The following MORN2 variants were observed in gnomAD, a reference collection of about 807,000 sequenced individuals.
MORN2 encodes MORN repeat-containing protein 2.
Under a neutral mutation model 13.4 loss-of-function variants are expected in MORN2, and 15 were observed. That is an observed-to-expected ratio of 1.12 (90% CI 0.75 to 1.72). The LOEUF (loss-of-function observed/expected upper bound fraction) is 1.72. Among genes scored for constraint, MORN2 ranks in the 40% most tolerant of loss-of-function variants. MORN2 has a pLI of 0.00. For missense variants in MORN2, 168 were observed against 134.6 expected (o/e 1.25, Z -1.23); for synonymous variants, 46 against 43.6 (o/e 1.06, Z -0.22).
rs1665804801 is a variant in MORN2, at chr2:38,882,675, C to G, written c.*160C>G. On this transcript the variant is annotated 3_prime_UTR_variant, in exon 5 of 5. Coordinates refer to ENST00000644631, the MANE Select transcript of MORN2 (RefSeq NM_001145450.3). Reference sequence around the variant, plus strand: ...CCTTTTTGAACTTTATATTCATTGTCTTACAATTAGTTTAAAATAAATGAC... The same window carrying G: ...CCTTTTTGAACTTTATATTCATTGTGTTACAATTAGTTTAAAATAAATGAC... The G allele has an allele frequency of 4.4e-6, 2 of 458,212 alleles. No individual in the cohort carries two copies. The highest frequency in any genetic ancestry group is 3.6e-5 in the Admixed American group (1 of 27,976). 28.4% of individuals were successfully genotyped at this position (458,212 alleles called of 1,614,324 possible).
chr2:38,882,581 ATC>A lies in MORN2; in HGVS notation c.*68_*69del. The A allele has an allele frequency of 8.2e-7, 1 of 1,218,498 alleles. No homozygotes were observed. Among genetic ancestry groups the A allele is most frequent in the Non-Finnish European group, 1.2e-6 (1 of 853,318 alleles). The allele number at this position is 1,218,498 out of a possible 1,614,324, so 75.5% of individuals were successfully genotyped here. On this transcript the variant is annotated 3_prime_UTR_variant, in exon 5 of 5. Coordinates refer to ENST00000644631, the MANE Select transcript of MORN2 (RefSeq NM_001145450.3). Reference sequence around the variant, plus strand: ...TTTTAGTTGTAAGGAAAGCAACTTAATCTGTTATTTGAAATGACTTCATACAC... The same window carrying A: ...TTTTAGTTGTAAGGAAAGCAACTTAATGTTATTTGAAATGACTTCATACAC...
intron 1 of MORN2, among the ~76,000 whole-genome samples, chr2:38,877,382 T>C (rs1236708909): frequency 6.6e-6 from 1 of 152,090 alleles, no homozygotes; most frequent in Non-Finnish European, 1.5e-5. Context: ...TGCAGACATG[T>C]AAATAACTAA....
chr2:38,881,654 A>C (rs1572729701), intron 4 of MORN2, 76 bp downstream of exon 4: 1 of 1,118,432 alleles, frequency 8.9e-7, no homozygotes, highest in East Asian at 2.9e-5. Flanking sequence ...ATACTTATTT[A>C]TTTATTTATT....
intron 1 of MORN2, among the ~76,000 whole-genome samples, chr2:38,879,075 CTCTT>C (rs1665718699): frequency 6.6e-6 from 1 of 152,152 alleles, no homozygotes; most frequent in Non-Finnish European, 1.5e-5. Flanking sequence ...TCTTGCGGTC[CTCTT>C]TCTTCCTTTT....
At chr2:38,882,090 T>C (rs1558417359) in intron 4 of MORN2, among the ~76,000 whole-genome samples, 1 of 152,238 alleles carries the variant, frequency 6.6e-6, no homozygotes, top group Non-Finnish European at 1.5e-5. Flanking sequence ...GTGAAGTAAT[T>C]AAGCTAGATA....
intron 1 of MORN2, among the ~76,000 whole-genome samples, chr2:38,877,631 CTTTTTT>C (rs894030513): frequency 6.6e-6 from 1 of 151,094 alleles, no homozygotes; most frequent in South Asian, 2.1e-4. Context: ...GTTACAGATT[CTTTTTT>C]TTTCTTTTTG....
intron 1 of MORN2, among the ~76,000 whole-genome samples, chr2:38,879,491 A>G (rs1051427160): frequency 2.6e-5 from 4 of 152,222 alleles, no homozygotes; most frequent in Non-Finnish European, 5.9e-5. Flanking sequence ...ACGATGCAAC[A>G]TGGATGAGCC....
chr2:38,880,468 C>A, intron 2 of MORN2, 132 bp from the exon 3 acceptor site: 1 of 445,144 alleles, frequency 2.2e-6, no homozygotes, highest in Middle Eastern at 3.7e-4. Context: ...GTTCTGTGTC[C>A]ATGGATTTTC....
intron 3 of MORN2, among the ~76,000 whole-genome samples, chr2:38,881,000 A>G (rs1033616901): frequency 1.3e-5 from 2 of 152,186 alleles, no homozygotes; most frequent in Non-Finnish European, 2.9e-5. Context: ...TTAATACTCT[A>G]TTTTACAAAT....
At chr2:38,879,199 C>T (rs1265267326) in intron 1 of MORN2, among the ~76,000 whole-genome samples, 1 of 152,124 alleles carries the variant, frequency 6.6e-6, no homozygotes, top group Non-Finnish European at 1.5e-5. Context: ...TTCCTCACTC[C>T]ACCTTACCTC....
At chr2:38,881,900 C>G (rs1229479854) in intron 4 of MORN2, among the ~76,000 whole-genome samples, 2 of 152,220 alleles carry the variant, frequency 1.3e-5, no homozygotes, top group African/African-American at 4.8e-5. Flanking sequence ...ATCTGCCTGC[C>G]TCGGCCTCTC....
intron 4 of MORN2, among the ~76,000 whole-genome samples, chr2:38,881,884 C>A (rs981902169): frequency 2.0e-5 from 3 of 152,222 alleles, no homozygotes; most frequent in Non-Finnish European, 4.4e-5. Context: ...CTCCTGACCT[C>A]AAGTGATCTG....
Position 38,881,435 on chromosome 2 carries a change from C to T in MORN2, c.217-7C>T. The stretch of plus-strand genomic sequence containing the variant: ...GTTTCTAAGGTAATTTCCTTTGTTA[C>T]AAACAGATGAATGGTTTTGGAAGAC... On this transcript the variant is annotated splice_polypyrimidine_tract_variant and splice_region_variant and intron_variant, in intron 3 of 4. Coordinates refer to ENST00000644631, the MANE Select transcript of MORN2 (RefSeq NM_001145450.3). 1 of 1,529,956 alleles carries T rather than the reference C, an allele frequency of 6.5e-7. No homozygotes were observed. Among genetic ancestry groups the T allele is most frequent in the Middle Eastern group, 1.7e-4 (1 of 5,968 alleles). 94.8% of individuals were successfully genotyped at this position (1,529,956 alleles called of 1,614,324 possible). A position where few individuals can be genotyped will look rare whatever the true frequency, so the allele number is the denominator to read the frequency against.
chr2:38,877,630 T>A (rs1308699888), intron 1 of MORN2, among the ~76,000 whole-genome samples: 2 of 152,006 alleles, frequency 1.3e-5, no homozygotes, highest in Admixed American at 1.3e-4. Flanking sequence ...AGTTACAGAT[T>A]CTTTTTTTTT....
At chr2:38,882,315 A>T in intron 4 of MORN2, 98 bp from the exon 5 acceptor site, 1 of 575,578 alleles carries the variant, frequency 1.7e-6, no homozygotes, top group Non-Finnish European at 2.7e-6. Context: ...TAGAGGATAT[A>T]ATCTTCAGAC....
intron 1 of MORN2, among the ~76,000 whole-genome samples, chr2:38,879,927 G>T (rs908103731): frequency 1.3e-5 from 2 of 152,210 alleles, no homozygotes; most frequent in African/African-American, 4.8e-5. Context: ...ATCATGATAT[G>T]ATGTGATCTT....
At chr2:38,880,378 T>TA (rs1250254120) in intron 2 of MORN2, 149 bp downstream of exon 2, 1 of 400,196 alleles carries the variant, frequency 2.5e-6, no homozygotes, top group Non-Finnish European at 4.4e-6. Context: ...AAAGAGCTTT[T>TA]AAAATCAAAA....
rs1665610984 is a variant in MORN2 at position 38,876,196 on chromosome 2, G to T, written c.58+86G>T. The T allele has an allele frequency of 1.8e-5, 7 of 398,400 alleles. No homozygotes were observed. In the South Asian group the frequency reaches 7.7e-4, roughly 44 times the overall value. 24.7% of individuals were successfully genotyped at this position (398,400 alleles called of 1,614,324 possible). ...TGGAGTCAGAACCTGCTTGGCTCCC[G>T]GTAACTCCTGTGGGGGTGTGATATA... On this transcript the variant is annotated intron_variant, in intron 1 of 4. Transcript: ENST00000644631.
At chr2:38,879,109 G>C (rs925289965) in intron 1 of MORN2, among the ~76,000 whole-genome samples, 3 of 152,060 alleles carry the variant, frequency 2.0e-5, no homozygotes, top group African/African-American at 7.2e-5. Flanking sequence ...CTCCATTCCA[G>C]TCTCATTCTG....
Sources: allele counts gnomAD v4.1 joint callset (sites outside exome capture counted in the v4.1 genomes callset), GRCh38; gene constraint gnomAD v4.1.1; transcripts MANE v1.5; gene names NCBI Gene and HGNC (gene_info 2026-07-23, HGNC 2026-07-21).